Variants in TRAK1 observed in about 807,000 individuals in gnomAD.
TRAK1 encodes trafficking kinesin protein 1.
In TRAK1, 33 loss-of-function variants were observed where a neutral mutation model predicts 92.1. That is an observed-to-expected ratio of 0.36 (90% confidence interval 0.27 to 0.48). TRAK1 has a LOEUF of 0.48. Among genes scored for constraint, TRAK1 ranks in the 20% least tolerant of loss-of-function variants. The pLI, the probability that TRAK1 is intolerant of heterozygous loss-of-function variation, is 0.99. For missense variants in TRAK1, 1,123 were observed against 1,257.9 expected (o/e 0.89, Z 1.62); for synonymous variants, 521 against 517.3 (o/e 1.01, Z -0.10).
chr3:42,106,134 A>G (rs542672546), intron 1 of TRAK1, among the ~76,000 whole-genome samples: 1 of 152,330 alleles, frequency 6.6e-6, no homozygotes, highest in Non-Finnish European at 1.5e-5. Flanking sequence ...TAACCAGCTA[A>G]CATCATAATG....
intron 1 of TRAK1, among the ~76,000 whole-genome samples, chr3:42,111,776 A>G (rs969194638): frequency 2.0e-5 from 3 of 152,166 alleles, no homozygotes; most frequent in African/African-American, 4.8e-5. Context: ...TAAAAATTAC[A>G]CGAAGATCAT....
intron 2 of TRAK1, among the ~76,000 whole-genome samples, chr3:42,132,375 C>T (rs72869932): frequency 0.016 from 2,367 of 151,684 alleles, 65 homozygotes; most frequent in African/African-American, 0.054. Flanking sequence ...GCCATCCTCC[C>T]ACCTCAGCCC....
chr3:42,196,998 TCTCTCACACACACACACA>T (rs1706786299), intron 10 of TRAK1, among the ~76,000 whole-genome samples: 1 of 94,848 alleles, frequency 1.1e-5, no homozygotes, highest in African/African-American at 4.0e-5. Flanking sequence ...TCTCTCTCTC[TCTCTCACACACACACACA>T]CACACACACA....
intron 1 of TRAK1, among the ~76,000 whole-genome samples, chr3:42,039,183 A>G (rs961847893): frequency 1.3e-5 from 2 of 152,032 alleles, no homozygotes; most frequent in Non-Finnish European, 2.9e-5. Flanking sequence ...ATCATATAAT[A>G]TGTGGTCTTT....
intron 1 of TRAK1, among the ~76,000 whole-genome samples, chr3:42,038,350 G>A (rs1390369797): frequency 6.6e-6 from 1 of 152,100 alleles, no homozygotes; most frequent in Non-Finnish European, 1.5e-5. Flanking sequence ...TTTGAGGCAG[G>A]TTCTCACTCC....
At chr3:42,201,758 G>T (rs1331472597) in intron 12 of TRAK1, among the ~76,000 whole-genome samples, 1 of 152,026 alleles carries the variant, frequency 6.6e-6, no homozygotes, top group African/African-American at 2.4e-5. Flanking sequence ...TGGTCACAAG[G>T]TTCAGAGGGT....
chr3:42,223,749 G>T lies in TRAK1; in HGVS notation c.*12G>T, dbSNP rs927074065. 2 of 1,591,154 alleles carry T rather than the reference G, an allele frequency of 1.3e-6. No homozygotes were observed. Among genetic ancestry groups the T allele is most frequent in the African/African-American group, 2.7e-5 (2 of 74,442 alleles). On this transcript the variant is annotated 3_prime_UTR_variant, in exon 16 of 16. Transcript: ENST00000327628. The surrounding 1 kb of genome is among the most constrained non-coding windows in gnomAD (Gnocchi z 6.1). ...CTAGCTTACGGTGAGGACTGGAGGGGGGCCGGTTGCCCTAGAGGAGACCCA... is the reference window on the plus strand; with the variant it reads ...CTAGCTTACGGTGAGGACTGGAGGGTGGCCGGTTGCCCTAGAGGAGACCCA...
intron 1 of TRAK1, among the ~76,000 whole-genome samples, chr3:42,116,035 A>G (rs1559787896): frequency 6.6e-6 from 1 of 152,252 alleles, no homozygotes; most frequent in African/African-American, 2.4e-5. Flanking sequence ...GAAAGGCAGT[A>G]ATAGATACAA....
At chr3:42,183,878 G>A (rs1252353072) in intron 3 of TRAK1, among the ~76,000 whole-genome samples, 1 of 152,012 alleles carries the variant, frequency 6.6e-6, no homozygotes, top group African/African-American at 2.4e-5. Flanking sequence ...ACTATCAGGG[G>A]ACGTCTTTTT....
chr3:42,033,125 G>A (rs906408441), intron 1 of TRAK1, among the ~76,000 whole-genome samples: 1 of 152,050 alleles, frequency 6.6e-6, no homozygotes, highest in Non-Finnish European at 1.5e-5. Flanking sequence ...TAATTACCGC[G>A]GCCTCCCATC....
chr3:42,091,170 A>G (rs907175735), upstream of TRAK1: 35 of 343,562 alleles, frequency 1.0e-4, no homozygotes, highest in African/African-American at 7.6e-4. Flanking sequence ...CCCATCACAA[A>G]GCCCCGTTCT....
At chr3:42,071,348 G>A (rs1247194768) in intron 1 of TRAK1, among the ~76,000 whole-genome samples, 2 of 152,162 alleles carry the variant, frequency 1.3e-5, no homozygotes, top group Non-Finnish European at 2.9e-5. Context: ...GGGTGGATAA[G>A]GTTCATTCCT....
At chr3:42,175,061 C>T (rs1703026934) in intron 2 of TRAK1, among the ~76,000 whole-genome samples, 1 of 152,050 alleles carries the variant, frequency 6.6e-6, no homozygotes, top group Admixed American at 6.6e-5. Context: ...AAAGGTAGCC[C>T]AGTTTTCTTT....
At chr3:42,220,091 C>T (rs1318634016) in intron 15 of TRAK1, among the ~76,000 whole-genome samples, 3 of 152,074 alleles carry the variant, frequency 2.0e-5, no homozygotes, top group Non-Finnish European at 2.9e-5. Context: ...TTTTTGCCCC[C>T]AAGTTTGTCA....
intron 2 of TRAK1, among the ~76,000 whole-genome samples, chr3:42,138,768 C>G (rs181898430): frequency 1.7e-4 from 25 of 149,678 alleles, no homozygotes; most frequent in Admixed American, 1.6e-3. Flanking sequence ...ATGCAGTACA[C>G]CTATATAAAT....
rs1404857631 is a variant in TRAK1 at position 42,223,013 on chromosome 3, G to A, written c.2138G>A (p.Cys713Tyr). The A allele has an allele frequency of 6.2e-7, 1 of 1,613,980 alleles. No homozygotes were observed. The highest frequency in any genetic ancestry group is 8.5e-7 in the Non-Finnish European group (1 of 1,180,022). Residue 713 changes from cysteine (C) to tyrosine (Y), a missense_variant, in exon 16 of 16, where the codon TGC becomes TAC. Physicochemically the swap from Cys to Tyr is radical, Grantham distance 194. Transcript: ENST00000327628. The surrounding 1 kb of genome is among the most constrained non-coding windows in gnomAD (Gnocchi z 6.1). ...HLKSTPVATP[C>Y]TPRRLSLAES... Reference sequence around the variant, plus strand: ...AAATCCACGCCGGTGGCCACACCATGCACTCCACGGAGACTGAGCCTGGCT... The same window carrying A: ...AAATCCACGCCGGTGGCCACACCATACACTCCACGGAGACTGAGCCTGGCT...
chr3:42,218,007 C>T (rs1280747586), intron 14 of TRAK1: 1 of 984,892 alleles, frequency 1.0e-6, no homozygotes, highest in Non-Finnish European at 1.2e-6. Context: ...TGAGAGTTTT[C>T]TCCTGTGGCC....
intron 1 of TRAK1, among the ~76,000 whole-genome samples, chr3:42,056,738 T>A (rs1703220588): frequency 6.6e-6 from 1 of 152,216 alleles, no homozygotes; most frequent in African/African-American, 2.4e-5. Context: ...TTTTCATATC[T>A]TAACCTTTAA....
At chr3:42,061,880 A>G (rs550893234) in intron 1 of TRAK1, among the ~76,000 whole-genome samples, 1 of 152,308 alleles carries the variant, frequency 6.6e-6, no homozygotes, top group African/African-American at 2.4e-5. Flanking sequence ...GGAAACGGAT[A>G]TTCAATTCAA....
Sources: gnomAD v4.1 joint callset for allele counts (sites outside exome capture counted in the v4.1 genomes callset) on GRCh38, gnomAD v4.1.1 for gene constraint, Gnocchi (gnomAD v3.1) non-coding constraint, MANE v1.5 for transcripts, NCBI Gene and HGNC (gene_info 2026-07-23, HGNC 2026-07-21) for gene names.